UNC5D: variants seen among roughly 807,000 people sequenced by gnomAD.
The protein encoded by UNC5D is netrin receptor UNC5D.
In UNC5D, 39 loss-of-function variants were observed where a neutral mutation model predicts 105.4. The ratio of observed to expected loss-of-function variants is 0.37; its 90% CI spans 0.29 to 0.48. UNC5D has a LOEUF of 0.48. Ranked by LOEUF, UNC5D falls within the 20% of genes least tolerant of loss-of-function variation. The probability of loss-of-function intolerance (pLI) is 0.98; values close to 1 mark genes in which losing one functional copy is unlikely to be tolerated. For synonymous variants in UNC5D, 452 were observed against 450.4 expected, an observed-to-expected ratio of 1.00 and a Z score of -0.04; for missense variants, 991 against 1,202.4, an observed-to-expected ratio of 0.82 and a Z score of 2.60.
intron 1 of UNC5D, among the ~76,000 whole-genome samples, chr8:35,535,728 A>G (rs1429290647): frequency 6.6e-6 from 1 of 152,146 alleles, no homozygotes; most frequent in Non-Finnish European, 1.5e-5. Context: ...ACAGACAAAA[A>G]GTAATAATAA....
rs142512690 is a variant in UNC5D at position 35,420,451 on chromosome 8, T to C, written c.104-128841T>C. ...GGTGGTTCATAAAGGTGATTGCCAATGCGGTACTCTGAACTGTCTTGTGTG... is the reference window on the plus strand; with the variant it reads ...GGTGGTTCATAAAGGTGATTGCCAACGCGGTACTCTGAACTGTCTTGTGTG... On this transcript the variant is annotated intron_variant, in intron 1 of 16. Transcript: ENST00000404895. Among the ~76,000 whole-genome samples the C allele has an allele frequency of 2.8e-3, 424 of 152,306 alleles. 16 individuals are homozygous for C. The East Asian group carries it at 0.068, about 25-fold the overall frequency.
intron 1 of UNC5D, among the ~76,000 whole-genome samples, chr8:35,385,108 C>A (rs1374042855): frequency 6.6e-6 from 1 of 152,174 alleles, no homozygotes. Context: ...GTTTTCTTGG[C>A]TTTGCTAGTG....
chr8:35,360,616 T>A (rs915315423), intron 1 of UNC5D, among the ~76,000 whole-genome samples: 2 of 152,212 alleles, frequency 1.3e-5, no homozygotes, highest in African/African-American at 4.8e-5. Flanking sequence ...TTCTATGTTC[T>A]GTGTGTCCAC....
chr8:35,762,383 C>T lies in UNC5D; in HGVS notation c.2313+2914C>T, dbSNP rs183812575. Among the ~76,000 whole-genome samples the T allele has an allele frequency of 2.0e-5, 3 of 152,204 alleles. No homozygotes were observed. The East Asian group carries it at 5.8e-4, about 29-fold the overall frequency. On this transcript the variant is annotated intron_variant, in intron 14 of 16. Transcript: ENST00000404895. ...GGATTACAATTTATGGATGTAATTGCTTATGAAGCCAGGTATATTGGGTGA... is the reference window on the plus strand; with the variant it reads ...GGATTACAATTTATGGATGTAATTGTTTATGAAGCCAGGTATATTGGGTGA...
At chr8:35,546,854 G>T (rs1018720337) in intron 1 of UNC5D, among the ~76,000 whole-genome samples, 6 of 152,154 alleles carry the variant, frequency 3.9e-5, no homozygotes, top group African/African-American at 1.4e-4. Flanking sequence ...TACTCCCTGT[G>T]ACATATACAC....
chr8:35,626,807 A>G (rs1821723911), intron 4 of UNC5D, among the ~76,000 whole-genome samples: 1 of 152,154 alleles, frequency 6.6e-6, no homozygotes, highest in South Asian at 2.1e-4. Context: ...TGTAGGGCCT[A>G]GTCTATATAT....
At chr8:35,623,249 A>T (rs1052905248) in intron 4 of UNC5D, among the ~76,000 whole-genome samples, 1 of 152,038 alleles carries the variant, frequency 6.6e-6, no homozygotes, top group African/African-American at 2.4e-5. Context: ...TGGTCAATAC[A>T]TCCGGTGTGT....
chr8:35,525,364 TG>T, intron 1 of UNC5D: 2 of 1,612,182 alleles, frequency 1.2e-6, no homozygotes, highest in East Asian at 4.5e-5. Flanking sequence ...ATGACTACGA[TG>T]TTTTTTTCTT....
intron 4 of UNC5D, among the ~76,000 whole-genome samples, chr8:35,648,637 C>T (rs775790595): frequency 2.4e-4 from 35 of 146,296 alleles, no homozygotes; most frequent in Admixed American, 7.5e-4. Context: ...TCACATTGCA[C>T]CACTGAACTC....
At chr8:35,595,504 A>G (rs932935920) in intron 3 of UNC5D, 50 bp from the exon 4 acceptor site, 5 of 1,566,872 alleles carry the variant, frequency 3.2e-6, no homozygotes, top group Middle Eastern at 3.4e-4. Context: ...CCAAATTTGA[A>G]TAACACTAGA....
intron 13 of UNC5D, among the ~76,000 whole-genome samples, chr8:35,756,186 CTG>C (rs1036074538): frequency 6.6e-6 from 1 of 152,068 alleles, no homozygotes; most frequent in African/African-American, 2.4e-5. Flanking sequence ...TATAGAATAA[CTG>C]TAATTGCTTA....
chr8:35,763,872 C>T (rs7011539), intron 14 of UNC5D, among the ~76,000 whole-genome samples: 3 of 152,034 alleles, frequency 2.0e-5, no homozygotes, highest in Non-Finnish European at 4.4e-5. Context: ...GTTGATCAAA[C>T]GACCACTGTG....
At chr8:35,656,532 ACTAT>A (rs1255411293) in intron 4 of UNC5D, among the ~76,000 whole-genome samples, 2 of 152,228 alleles carry the variant, frequency 1.3e-5, no homozygotes, top group African/African-American at 2.4e-5. Context: ...TATTGAACAT[ACTAT>A]CTATCTTTCC....
intron 1 of UNC5D, among the ~76,000 whole-genome samples, chr8:35,342,844 GA>G (rs1439259970): frequency 6.6e-6 from 1 of 152,132 alleles, no homozygotes. Context: ...CATAGAGGGA[GA>G]TATTGTGCTA....
chr8:35,512,465 C>CATATATATATATATAT (rs780945660), intron 1 of UNC5D, among the ~76,000 whole-genome samples: 3 of 20,112 alleles, frequency 1.5e-4, no homozygotes, highest in Non-Finnish European at 2.6e-4. Flanking sequence ...AATAGTGAGC[C>CATATATATATATATAT]ATATATATAT....
Position 35,737,297 on chromosome 8 carries a change from TGTG to T in UNC5D, c.1766+6202_1766+6204del, listed in dbSNP as rs1213184705. Among the ~76,000 whole-genome samples, 491 of 146,704 alleles carry T rather than the reference TGTG, an allele frequency of 3.3e-3. 2 individuals carry two copies. The highest frequency in any genetic ancestry group is 9.2e-3 in the African/African-American group (352 of 38,438). ...GTGTGTGTGTGTGTGTGTGTGTGTG[TGTG>T]TTAATGTGTGATGAAGGAATTGAAG... is the stretch of plus-strand genomic sequence containing the variant. On this transcript the variant is annotated intron_variant, in intron 11 of 16. Coordinates refer to ENST00000404895, the MANE Select transcript of UNC5D (RefSeq NM_080872.4).
intron 1 of UNC5D, among the ~76,000 whole-genome samples, chr8:35,392,266 C>T (rs1315736470): frequency 6.6e-6 from 1 of 152,174 alleles, no homozygotes; most frequent in Non-Finnish European, 1.5e-5. Flanking sequence ...AATGCAGTGG[C>T]ACCATCCTTA....
At chr8:35,725,837 T>A (rs1002866743) in intron 9 of UNC5D, among the ~76,000 whole-genome samples, 1 of 152,182 alleles carries the variant, frequency 6.6e-6, no homozygotes, top group Non-Finnish European at 1.5e-5. Flanking sequence ...AATAATCACA[T>A]AAACAATAAT....
intron 2 of UNC5D, among the ~76,000 whole-genome samples, chr8:35,554,288 G>A (rs1275018006): frequency 6.6e-6 from 1 of 152,190 alleles, no homozygotes; most frequent in Non-Finnish European, 1.5e-5. Context: ...CAGAGCTAGA[G>A]TTCTTTCCTG....
Sources: gnomAD v4.1 joint callset for allele counts (sites outside exome capture counted in the v4.1 genomes callset) on GRCh38, gnomAD v4.1.1 for gene constraint, MANE v1.5 for transcripts, NCBI Gene and HGNC (gene_info 2026-07-23, HGNC 2026-07-21) for gene names.